The following CNIH3 variants were observed in gnomAD, a reference collection of about 807,000 sequenced individuals.
CNIH3 encodes protein cornichon homolog 3.
A neutral mutation model predicts 24.1 loss-of-function variants in CNIH3; 14 were observed. The ratio of observed to expected loss-of-function variants is 0.58; its 90% CI spans 0.38 to 0.91. The LOEUF (loss-of-function observed/expected upper bound fraction) is 0.91, where lower values mean the gene tolerates loss of function less well. CNIH3 is among the 40% of genes least tolerant of loss of function. The pLI is 0.00. For missense variants in CNIH3, 178 were observed against 196.8 expected (o/e 0.90, Z 0.57); for synonymous variants, 68 against 73.8 (o/e 0.92, Z 0.40).
At chr1:224,562,842 GC>G (rs1324903341) in intron 3 of CNIH3, among the ~76,000 whole-genome samples, 2 of 151,952 alleles carry the variant, frequency 1.3e-5, no homozygotes, top group African/African-American at 2.4e-5. Flanking sequence ...AGATGCTGGC[GC>G]AGTTCCTAAC....
At chr1:224,554,509 T>A (rs1247179840) in intron 3 of CNIH3, among the ~76,000 whole-genome samples, 2 of 152,130 alleles carry the variant, frequency 1.3e-5, no homozygotes, top group Non-Finnish European at 2.9e-5. Context: ...ACCTGCAGAC[T>A]TTTTTTCTTG....
Position 224,458,325 on chromosome 1 carries a change from C to T in CNIH3, n.203+23463C>T, listed in dbSNP as rs879291844. On this transcript the variant is annotated intron_variant and non_coding_transcript_variant, in intron 1 of 5. Transcript: ENST00000471578. This position sits in a 1 kb window ranked among gnomAD's most constrained non-coding sequence, Gnocchi z 4.3. ...CAGTGCTCTGTCAGTATTGATTCTT[C>T]AGGGGCAGGCTGCCCACTTACCAAA... Among the ~76,000 whole-genome samples the T allele has an allele frequency of 5.3e-5, 8 of 152,190 alleles. No individual in the cohort carries two copies. The highest frequency in any genetic ancestry group is 1.0e-4 in the Non-Finnish European group (7 of 68,034).
chr1:224,618,404 C>T (rs1418542035), intron 1 of CNIH3, among the ~76,000 whole-genome samples: 2 of 152,338 alleles, frequency 1.3e-5, no homozygotes, highest in East Asian at 1.9e-4. Context: ...GCATCACAGA[C>T]TCTCATACAG....
At chr1:224,450,599 G>A (rs1421626313) in intron 1 of CNIH3, among the ~76,000 whole-genome samples, 1 of 152,192 alleles carries the variant, frequency 6.6e-6, no homozygotes, top group African/African-American at 2.4e-5. Context: ...ACACAATGAA[G>A]AAAATGCCTC....
At chr1:224,496,245 G>A (rs764887401) in intron 1 of CNIH3, among the ~76,000 whole-genome samples, 1 of 152,114 alleles carries the variant, frequency 6.6e-6, no homozygotes, top group African/African-American at 2.4e-5. Context: ...CCATCCACTC[G>A]AGGAGGGTCT....
chr1:224,490,600 T>C (rs1257610396), intron 1 of CNIH3, among the ~76,000 whole-genome samples: 3 of 152,238 alleles, frequency 2.0e-5, no homozygotes, highest in East Asian at 3.8e-4. Context: ...ATTTACATCA[T>C]GTATAAGAGA....
At chr1:224,434,650 G>A (rs1489925044), upstream of CNIH3, 9 of 729,178 alleles carry the variant, frequency 1.2e-5, no homozygotes, top group Admixed American at 6.5e-5. Context: ...GGCTGCGGGG[G>A]CGCGGGGCCC....
chr1:224,637,293 C>T (rs999259163), intron 1 of CNIH3, among the ~76,000 whole-genome samples: 7 of 152,076 alleles, frequency 4.6e-5, no homozygotes, highest in Admixed American at 2.0e-4. Flanking sequence ...TTTCCATCTG[C>T]GAGGTCCCCG....
At chr1:224,657,648 G>A (rs909576335) in intron 1 of CNIH3, among the ~76,000 whole-genome samples, 9 of 152,120 alleles carry the variant, frequency 5.9e-5, no homozygotes, top group African/African-American at 2.2e-4. Flanking sequence ...GCCAGCAATC[G>A]TCATGAACAC....
rs548021192 is a variant in CNIH3, at chr1:224,665,974, G to C, written c.82-14984G>C. Among the ~76,000 whole-genome samples, 5 of 152,222 alleles carry C rather than the reference G, an allele frequency of 3.3e-5. No individual in the cohort carries two copies. The East Asian group carries it at 9.7e-4, about 29-fold the overall frequency. ...AACTGGCCTGGCCAAGCCACCCTCT[G>C]GTTTTGATTTAGCAGGTACAGGGCA... On this transcript the variant is annotated intron_variant, in intron 1 of 5. Transcript: ENST00000272133.
chr1:224,709,443 C>T (rs562450591), intron 3 of CNIH3, among the ~76,000 whole-genome samples: 2 of 152,246 alleles, frequency 1.3e-5, no homozygotes, highest in South Asian at 2.1e-4. Flanking sequence ...AGATGAGAGC[C>T]GAAGAACCAT....
intron 1 of CNIH3, among the ~76,000 whole-genome samples, chr1:224,669,629 G>T (rs919122689): frequency 6.6e-6 from 1 of 152,234 alleles, no homozygotes; most frequent in African/African-American, 2.4e-5. Flanking sequence ...GAGGAGAGCC[G>T]TGAGACCAGA....
chr1:224,562,319 A>C (rs1192642074), intron 3 of CNIH3, among the ~76,000 whole-genome samples: 6 of 152,092 alleles, frequency 3.9e-5, no homozygotes, highest in African/African-American at 1.2e-4. Context: ...TCTGTTTCCA[A>C]GGGATGAAAT....
chr1:224,451,135 G>GT (rs926677889), intron 1 of CNIH3, among the ~76,000 whole-genome samples: 1 of 152,190 alleles, frequency 6.6e-6, no homozygotes, highest in Non-Finnish European at 1.5e-5. Flanking sequence ...CGAGGGTTAT[G>GT]TAACAAGAGC....
At chr1:224,537,609 A>G (rs1679339130), downstream of CNIH3, 1 of 152,248 alleles carries the variant, frequency 6.6e-6, no homozygotes, top group African/African-American at 2.4e-5. Flanking sequence ...CAGGGCACAC[A>G]TTGTCAGGCC....
At chr1:224,736,265 T>C (rs1689585451) in intron 5 of CNIH3, among the ~76,000 whole-genome samples, 2 of 152,122 alleles carry the variant, frequency 1.3e-5, no homozygotes, top group Non-Finnish European at 2.9e-5. Flanking sequence ...GCTGGAATTA[T>C]AGGCATGTAC....
chr1:224,624,942 C>G (rs1305416403), intron 1 of CNIH3, among the ~76,000 whole-genome samples: 1 of 152,174 alleles, frequency 6.6e-6, no homozygotes, highest in African/African-American at 2.4e-5. Flanking sequence ...TCTGCTGCAG[C>G]CTTTGTCCTC....
chr1:224,562,411 T>G (rs1680409696), intron 3 of CNIH3, among the ~76,000 whole-genome samples: 1 of 152,172 alleles, frequency 6.6e-6, no homozygotes, highest in Non-Finnish European at 1.5e-5. Context: ...TGATGTGTGG[T>G]GGAAGAGATC....
Position 224,704,966 on chromosome 1 carries a change from C to T in CNIH3, c.198+20123C>T, listed in dbSNP as rs1021618322. On this transcript the variant is annotated intron_variant, in intron 3 of 5. Coordinates refer to ENST00000272133, the MANE Select transcript of CNIH3 (RefSeq NM_152495.2). The surrounding 1 kb of genome is among the most constrained non-coding windows in gnomAD (Gnocchi z 4.2). ...CTCTAGTAAAAAATACAAAAATTAGCTGGGCATGGTGGCAGACTACAGTAG... is the reference window on the plus strand; with the variant it reads ...CTCTAGTAAAAAATACAAAAATTAGTTGGGCATGGTGGCAGACTACAGTAG... 2.0e-5 allele frequency among the ~76,000 whole-genome samples: 3 copies of T among 151,948 alleles called. No homozygotes were observed. Among genetic ancestry groups the T allele is most frequent in the African/African-American group, 7.3e-5 (3 of 41,348 alleles).
Sources: allele counts gnomAD v4.1 joint callset (sites outside exome capture counted in the v4.1 genomes callset), GRCh38; gene constraint gnomAD v4.1.1; non-coding constraint Gnocchi (gnomAD v3.1); transcripts MANE v1.5; gene names NCBI Gene and HGNC (gene_info 2026-07-23, HGNC 2026-07-21).